PIEZO2: variants seen among roughly 807,000 people sequenced by gnomAD.
PIEZO2 encodes piezo-type mechanosensitive ion channel component 2.
Under a neutral mutation model 337.3 loss-of-function variants are expected in PIEZO2, and 172 were observed. The observed-to-expected ratio is 0.51, with a 90% confidence interval of 0.45 to 0.58. The LOEUF (loss-of-function observed/expected upper bound fraction) is 0.58. PIEZO2 is among the 20% of genes least tolerant of loss of function. The pLI is 0.00. For synonymous variants in PIEZO2, 1,251 were observed against 1,228.5 expected (o/e 1.02, Z -0.38); for missense variants, 3,028 against 3,391.3 (o/e 0.89, Z 2.66).
intron 7 of PIEZO2, among the ~76,000 whole-genome samples, chr18:10,823,964 C>T (rs1480369034): frequency 1.3e-5 from 2 of 152,228 alleles, no homozygotes; most frequent in Non-Finnish European, 1.5e-5. Flanking sequence ...GCCTTGCCTA[C>T]AGTTCTTTCA....
At chr18:10,768,941 A>G (rs751564117) in intron 21 of PIEZO2, among the ~76,000 whole-genome samples, 2 of 152,116 alleles carry the variant, frequency 1.3e-5, no homozygotes, top group African/African-American at 2.4e-5. Flanking sequence ...CGCTCCCCCA[A>G]TGCCCACTCC....
chr18:10,992,341 T>G (rs2035141813), intron 2 of PIEZO2, among the ~76,000 whole-genome samples: 1 of 152,348 alleles, frequency 6.6e-6, no homozygotes, highest in African/African-American at 2.4e-5. Flanking sequence ...CTAGGTTTTC[T>G]TCTAGGATTT....
At chr18:10,786,603 G>A (rs532038119) in intron 16 of PIEZO2, among the ~76,000 whole-genome samples, 1 of 152,318 alleles carries the variant, frequency 6.6e-6, no homozygotes, top group African/African-American at 2.4e-5. Flanking sequence ...ATCATCACAA[G>A]TCTATGAGCA....
rs1555718772 is a variant in PIEZO2 at position 11,125,167 on chromosome 18, CAT to C, written c.64+23356_64+23357del. The stretch of plus-strand genomic sequence containing the variant: ...GGGAGAAAGAACACACACACACACA[CAT>C]GCACACATACAAAATACACACACCG... On this transcript the variant is annotated intron_variant, in intron 1 of 55. Coordinates refer to ENST00000674853, the MANE Select transcript of PIEZO2 (RefSeq NM_001378183.1). This position sits in a 1 kb window ranked among gnomAD's most constrained non-coding sequence, Gnocchi z 4.4. 6.7e-6 allele frequency among the ~76,000 whole-genome samples: 1 copy of C among 148,264 alleles called. No individual in the cohort carries two copies. The highest frequency in any genetic ancestry group is 2.0e-4 in the East Asian group (1 of 5,058).
Position 10,859,429 on chromosome 18 carries a change from C to T in PIEZO2, c.493-2218G>A, listed in dbSNP as rs2144720018. Among the ~76,000 whole-genome samples the T allele has an allele frequency of 6.6e-6, 1 of 152,376 alleles. No individual in the cohort carries two copies. Among genetic ancestry groups the T allele is most frequent in the South Asian group, 2.1e-4 (1 of 4,832 alleles). ...GCAGCTGGCCTGCCACGCACGCACT[C>T]TGCCCTCCTCCTGTAACAAGACAAG... is the stretch of plus-strand genomic sequence containing the variant. On this transcript the variant is annotated intron_variant, in intron 5 of 55. Coordinates refer to ENST00000674853, the MANE Select transcript of PIEZO2 (RefSeq NM_001378183.1). This position sits in a 1 kb window ranked among gnomAD's most constrained non-coding sequence, Gnocchi z 4.9.
chr18:10,747,072 A>G (rs2037453498), intron 30 of PIEZO2, among the ~76,000 whole-genome samples: 2 of 152,192 alleles, frequency 1.3e-5, no homozygotes, highest in South Asian at 2.1e-4. Context: ...TGAACACACT[A>G]TTATGAGTTC....
chr18:11,071,299 C>T (rs2038330113), intron 1 of PIEZO2, among the ~76,000 whole-genome samples: 1 of 152,172 alleles, frequency 6.6e-6, no homozygotes, highest in African/African-American at 2.4e-5. Flanking sequence ...GATTCTCTTT[C>T]CAGCTGCTTT....
rs913075216 is a variant in PIEZO2, at chr18:10,846,659, TG to T, written c.917+8693del. Among the ~76,000 whole-genome samples the T allele has an allele frequency of 6.6e-6, 1 of 152,142 alleles. No homozygotes were observed. The highest frequency in any genetic ancestry group is 1.5e-5 in the Non-Finnish European group (1 of 68,020). ...AGGGATTATTATGGCCCAATGCAGC[TG>T]GTGTTATAAAGCAAGTTTGCACAGA... On this transcript the variant is annotated intron_variant, in intron 7 of 55. Coordinates refer to ENST00000674853, the MANE Select transcript of PIEZO2 (RefSeq NM_001378183.1). The surrounding 1 kb of genome is among the most constrained non-coding windows in gnomAD (Gnocchi z 4.1).
At position 11,110,629 on chromosome 18, in the gene PIEZO2, G is replaced by A. The variant is rs2039701582; in HGVS notation, c.64+37896C>T. On this transcript the variant is annotated intron_variant, in intron 1 of 55. Transcript: ENST00000674853. The surrounding 1 kb of genome is among the most constrained non-coding windows in gnomAD (Gnocchi z 4.2). ...GCAGGGGAGCAGGTGGAGCCGGTGA[G>A]CAGCCCCAGGCCAGGCTAGCAAGTC... 6.6e-6 allele frequency among the ~76,000 whole-genome samples: 1 copy of A among 152,198 alleles called. No homozygotes were observed. The highest frequency in any genetic ancestry group is 1.5e-5 in the Non-Finnish European group (1 of 68,034).
chr18:10,793,964 G>T (rs1440339190), intron 13 of PIEZO2, among the ~76,000 whole-genome samples: 51 of 152,132 alleles, frequency 3.4e-4, no homozygotes, highest in Non-Finnish European at 2.9e-5. Context: ...TGGATATGGG[G>T]TGTGTGGCAA....
intron 43 of PIEZO2, chr18:10,701,775 C>A: frequency 2.4e-6 from 1 of 418,914 alleles, no homozygotes; most frequent in South Asian, 7.1e-5. Flanking sequence ...CATTATTTAG[C>A]ACCACAAGTG....
In PIEZO2 at chr18:10,748,668, A is replaced by G. The variant is rs1441195355; in HGVS notation, c.4265-38T>C. On this transcript the variant is annotated intron_variant, in intron 29 of 55. Transcript: ENST00000674853. This position sits in a 1 kb window ranked among gnomAD's most constrained non-coding sequence, Gnocchi z 5.1. Reference sequence around the variant, plus strand: ...TAGAAAAACACACATTAAAATTAACATCCATTTTCATTGTAATTTTATAAA... The same window carrying G: ...TAGAAAAACACACATTAAAATTAACGTCCATTTTCATTGTAATTTTATAAA... 2 of 1,388,620 alleles carry G rather than the reference A, an allele frequency of 1.4e-6. No individual in the cohort carries two copies. Among genetic ancestry groups the G allele is most frequent in the Non-Finnish European group, 1.9e-6 (2 of 1,068,116 alleles). 86.0% of individuals were successfully genotyped at this position (1,388,620 alleles called of 1,614,324 possible).
Position 10,895,835 on chromosome 18 carries a change from G to A in PIEZO2, c.329+15351C>T, listed in dbSNP as rs1455163890. On this transcript the variant is annotated intron_variant, in intron 4 of 55. Transcript: ENST00000674853. This position sits in a 1 kb window ranked among gnomAD's most constrained non-coding sequence, Gnocchi z 4.8. ...GCACTTTGGGAGGCTGAGGTGGGCA[G>A]ATCACCTGAGGTCAGGAGTTCCAGA... Among the ~76,000 whole-genome samples the A allele has an allele frequency of 6.6e-6, 1 of 152,102 alleles. No individual in the cohort carries two copies. The highest frequency in any genetic ancestry group is 1.9e-4 in the East Asian group (1 of 5,176).
rs1232049270 is a variant in PIEZO2 at position 10,870,079 on chromosome 18, T to G, written c.492+1174A>C. On this transcript the variant is annotated intron_variant, in intron 5 of 55. Coordinates refer to ENST00000674853, the MANE Select transcript of PIEZO2 (RefSeq NM_001378183.1). This position sits in a 1 kb window ranked among gnomAD's most constrained non-coding sequence, Gnocchi z 5.3. Reference sequence around the variant, plus strand: ...TTAGTAGAGACAGGGTTTCACCATGTTGGCCAGGCTGGTCTCGAACTCATG... The same window carrying G: ...TTAGTAGAGACAGGGTTTCACCATGGTGGCCAGGCTGGTCTCGAACTCATG... Among the ~76,000 whole-genome samples the G allele has an allele frequency of 6.6e-6, 1 of 152,162 alleles. No individual in the cohort carries two copies. The highest frequency in any genetic ancestry group is 1.5e-5 in the Non-Finnish European group (1 of 68,034).
chr18:10,701,969 T>G lies in PIEZO2; in HGVS notation c.6441+20A>C. ...AGGAAGATGACCAACTTGAACTGAT[T>G]AATTGTTAACATGCAGTACCTTCAA... On this transcript the variant is annotated intron_variant, in intron 43 of 55. Transcript: ENST00000674853. The G allele has an allele frequency of 1.3e-6, 2 of 1,507,470 alleles. No homozygotes were observed. Among genetic ancestry groups the G allele is most frequent in the Non-Finnish European group, 8.8e-7 (1 of 1,135,870 alleles). 93.4% of individuals were successfully genotyped at this position (1,507,470 alleles called of 1,614,324 possible).
At chr18:11,118,779 G>C (rs2039955867) in intron 1 of PIEZO2, among the ~76,000 whole-genome samples, 1 of 151,766 alleles carries the variant, frequency 6.6e-6, no homozygotes, top group South Asian at 2.1e-4. Flanking sequence ...CAGAGAGAGA[G>C]AGCGACGTAA....
At chr18:10,734,696 T>C (rs1170571088) in intron 35 of PIEZO2, among the ~76,000 whole-genome samples, 1 of 152,236 alleles carries the variant, frequency 6.6e-6, no homozygotes, top group Admixed American at 6.5e-5. Flanking sequence ...AGCCCTAGCA[T>C]GGATCTGTGG....
rs1258626203 is a variant in PIEZO2, at chr18:10,894,171, G to A, written c.329+17015C>T. 6.6e-6 allele frequency among the ~76,000 whole-genome samples: 1 copy of A among 152,144 alleles called. No individual in the cohort carries two copies. Among genetic ancestry groups the A allele is most frequent in the Non-Finnish European group, 1.5e-5 (1 of 68,040 alleles). On this transcript the variant is annotated intron_variant, in intron 4 of 55. Coordinates refer to ENST00000674853, the MANE Select transcript of PIEZO2 (RefSeq NM_001378183.1). This position sits in a 1 kb window ranked among gnomAD's most constrained non-coding sequence, Gnocchi z 4.1. ...AGCATGTGCATTAAGAGGCAAAATG[G>A]GCCAAGTGCGGTGGCTCACACCTGT...
At position 11,033,917 on chromosome 18, in the gene PIEZO2, T is replaced by G. The variant is rs892611383; in HGVS notation, c.160+32210A>C. 1.3e-5 allele frequency among the ~76,000 whole-genome samples: 2 copies of G among 152,188 alleles called. No individual in the cohort carries two copies. Among genetic ancestry groups the G allele is most frequent in the African/African-American group, 4.8e-5 (2 of 41,452 alleles). ...ATCTTCAGACTTTACCGGGTTGGTT[T>G]ATAACTTTAATACCTGAAAAACTTA... On this transcript the variant is annotated intron_variant, in intron 2 of 55. Transcript: ENST00000674853. This position sits in a 1 kb window ranked among gnomAD's most constrained non-coding sequence, Gnocchi z 4.2.
Sources: allele counts gnomAD v4.1 joint callset (sites outside exome capture counted in the v4.1 genomes callset), GRCh38; gene constraint gnomAD v4.1.1; non-coding constraint Gnocchi (gnomAD v3.1); transcripts MANE v1.5; gene names NCBI Gene and HGNC (gene_info 2026-07-23, HGNC 2026-07-21).